The following WIPF3 variants were observed in gnomAD, a reference collection of about 807,000 sequenced individuals.
The protein encoded by WIPF3 is WAS/WASL interacting protein family member 3, also known as WAS/WASL-interacting protein family member 3.
Under a neutral mutation model 38.9 loss-of-function variants are expected in WIPF3, and 33 were observed. The ratio of observed to expected loss-of-function variants is 0.85; its 90% CI spans 0.64 to 1.14. The LOEUF is 1.14. WIPF3 is among the 50% of genes most tolerant of loss of function. The probability of loss-of-function intolerance (pLI) is 0.00; values close to 1 mark genes in which losing one functional copy is unlikely to be tolerated. For synonymous variants in WIPF3, 324 were observed against 269.3 expected (o/e 1.20, Z -1.99); for missense variants, 711 against 652.5 (o/e 1.09, Z -0.98).
At position 29,916,002 on chromosome 7, in the gene WIPF3, G is replaced by C. The variant is rs553198879; in HGVS notation, c.*1486G>C. ...CAGGAGGGTGTGGGCAAACATGACT[G>C]CATCTGCCTCACTGTTGTCTGGAGT... is the stretch of plus-strand genomic sequence containing the variant. On this transcript the variant is annotated 3_prime_UTR_variant, in exon 9 of 9. Coordinates refer to ENST00000242140, the MANE Select transcript of WIPF3 (RefSeq NM_001080529.3). The C allele has an allele frequency of 6.6e-6, 1 of 152,500 alleles. No individual in the cohort carries two copies. Among genetic ancestry groups the C allele is most frequent in the South Asian group, 2.1e-4 (1 of 4,826 alleles). The allele number at this position is 152,500 out of a possible 1,614,324, so 9.4% of individuals were successfully genotyped here.
chr7:29,897,696 G>C (rs1213183958), intron 7 of WIPF3, among the ~76,000 whole-genome samples: 1 of 152,172 alleles, frequency 6.6e-6, no homozygotes, highest in African/African-American at 2.4e-5. Flanking sequence ...AAAAATTAAA[G>C]AATTAGATGT....
intron 2 of WIPF3, among the ~76,000 whole-genome samples, chr7:29,854,844 G>C (rs1456158974): frequency 1.3e-5 from 2 of 152,164 alleles, no homozygotes; most frequent in Non-Finnish European, 2.9e-5. Context: ...TGAAGTGCTA[G>C]TGCTTCACTT....
At chr7:29,854,268 C>T (rs1417061573) in intron 2 of WIPF3, among the ~76,000 whole-genome samples, 1 of 152,212 alleles carries the variant, frequency 6.6e-6, no homozygotes, top group African/African-American at 2.4e-5. Context: ...AAAAGATGCA[C>T]TTCTCCCAGA....
At chr7:29,884,993 G>T (rs1650511369) in intron 5 of WIPF3, among the ~76,000 whole-genome samples, 1 of 152,174 alleles carries the variant, frequency 6.6e-6, no homozygotes. Context: ...TCTCCTCCCT[G>T]AGGTGGAGGG....
At position 29,823,139 on chromosome 7, in the gene WIPF3, T is replaced by C. The variant is rs1784566371; in HGVS notation, c.-57-11529T>C. Among the ~76,000 whole-genome samples the C allele has an allele frequency of 6.6e-6, 1 of 152,220 alleles. No homozygotes were observed. Among genetic ancestry groups the C allele is most frequent in the Non-Finnish European group, 1.5e-5 (1 of 68,034 alleles). On this transcript the variant is annotated intron_variant, in intron 1 of 8. Transcript: ENST00000242140. The surrounding 1 kb of genome is among the most constrained non-coding windows in gnomAD (Gnocchi z 4.0). Reference sequence around the variant, plus strand: ...TCTACCTTTTTCTTGAACAAATAGATGGGAATTACAGCCAGAACTAGAAAC... The same window carrying C: ...TCTACCTTTTTCTTGAACAAATAGACGGGAATTACAGCCAGAACTAGAAAC...
At chr7:29,850,865 G>C (rs1785083306) in intron 2 of WIPF3, among the ~76,000 whole-genome samples, 1 of 152,198 alleles carries the variant, frequency 6.6e-6, no homozygotes, top group East Asian at 1.9e-4. Context: ...CCCGAGTTTA[G>C]TCATCTCTGA....
At chr7:29,822,883 G>A (rs1784563366) in intron 1 of WIPF3, among the ~76,000 whole-genome samples, 2 of 152,288 alleles carry the variant, frequency 1.3e-5, no homozygotes, top group South Asian at 4.1e-4. Flanking sequence ...ATTTTGAAAA[G>A]TGAGTTTTTT....
At position 29,808,690 on chromosome 7, in the gene WIPF3, AGTGTGTGTGTGT is replaced by A. The variant is rs59634993; in HGVS notation, c.-58+2035_-58+2046del. Among the ~76,000 whole-genome samples, 45 of 150,502 alleles carry A rather than the reference AGTGTGTGTGTGT, an allele frequency of 3.0e-4. No homozygotes were observed. In the South Asian group the frequency reaches 5.1e-3, roughly 17 times the overall value. ...ACCCAGCAGCAGAAGGAATGGAGGA[AGTGTGTGTGTGT>A]GTGTGTGTGTGTGTGTGTGTGTCTA... On this transcript the variant is annotated intron_variant, in intron 1 of 8. Transcript: ENST00000242140.
At chr7:29,815,963 T>C (rs1052240494) in intron 1 of WIPF3, among the ~76,000 whole-genome samples, 6 of 152,214 alleles carry the variant, frequency 3.9e-5, no homozygotes, top group Non-Finnish European at 7.4e-5. Context: ...TGCTGAGTCC[T>C]ACTCTCGATG....
At chr7:29,874,144 T>C (rs936422425) in intron 2 of WIPF3, among the ~76,000 whole-genome samples, 13 of 151,942 alleles carry the variant, frequency 8.6e-5, no homozygotes, top group Admixed American at 6.6e-5. Context: ...CTCGCTATAG[T>C]GTATGCCTCT....
chr7:29,896,278 G>T (rs563685994), intron 7 of WIPF3, among the ~76,000 whole-genome samples: 8 of 15,624 alleles, frequency 5.1e-4, no homozygotes, highest in African/African-American at 9.9e-4. Flanking sequence ...CTGGGCAACA[G>T]TGAGATCCTC....
At chr7:29,863,905 T>C (rs1218110303) in intron 2 of WIPF3, among the ~76,000 whole-genome samples, 1 of 152,222 alleles carries the variant, frequency 6.6e-6, no homozygotes, top group African/African-American at 2.4e-5. Flanking sequence ...TGACCTGGTA[T>C]CTTATGACCT....
chr7:29,812,308 A>G (rs1386855612), intron 1 of WIPF3, among the ~76,000 whole-genome samples: 3 of 152,188 alleles, frequency 2.0e-5, no homozygotes, highest in Admixed American at 6.5e-5. Context: ...TCTGGCTTAC[A>G]TGGATTTGTT....
At position 29,884,330 on chromosome 7, in the gene WIPF3, C is replaced by G; in HGVS notation, c.836C>G (p.Pro279Arg). The G allele has an allele frequency of 6.5e-7, 1 of 1,531,896 alleles. No individual in the cohort carries two copies. The highest frequency in any genetic ancestry group is 8.8e-7 in the Non-Finnish European group (1 of 1,138,390). 94.9% of individuals were successfully genotyped at this position (1,531,896 alleles called of 1,614,324 possible). A position where few individuals can be genotyped will look rare whatever the true frequency, so the allele number is the denominator to read the frequency against. Residue 279 changes from proline to arginine, a missense_variant, in exon 5 of 9, where the codon CCC (proline) becomes CGC (arginine). Physicochemically the swap from Pro to Arg is moderately radical, Grantham distance 103. Coordinates refer to ENST00000242140, the MANE Select transcript of WIPF3 (RefSeq NM_001080529.3). ...PCGYPGLKAE[P>R]ASPAQDAQEP... ...GGGTATCCGGGGCTCAAAGCGGAGC[C>G]CGCCAGCCCTGCGCAAGATGCGCAG... is the stretch of plus-strand genomic sequence containing the variant.
At position 29,891,271 on chromosome 7, in the gene WIPF3, G is replaced by A. The variant is rs376105366; in HGVS notation, c.1351+1864G>A. On this transcript the variant is annotated intron_variant, in intron 7 of 8. Coordinates refer to ENST00000242140, the MANE Select transcript of WIPF3 (RefSeq NM_001080529.3). ...TGCCCTGTGCTCAGGTGGAGGGGGC[G>A]AGGGCCTGCCCTGTGCTCAGGTGTG... is the stretch of plus-strand genomic sequence containing the variant. Among the ~76,000 whole-genome samples the A allele has an allele frequency of 4.8e-4, 60 of 125,212 alleles. No homozygotes were observed. In the East Asian group the frequency reaches 0.011, roughly 24 times the overall value. 82.1% of individuals were successfully genotyped at this position (125,212 alleles called of 152,430 possible). A position where few individuals can be genotyped will look rare whatever the true frequency, so the allele number is the denominator to read the frequency against.
In WIPF3 at chr7:29,900,445, G is replaced by A. The variant is rs1167084468; in HGVS notation, c.1352-3841G>A. On this transcript the variant is annotated intron_variant, in intron 7 of 8. Coordinates refer to ENST00000242140, the MANE Select transcript of WIPF3 (RefSeq NM_001080529.3). Reference sequence around the variant, plus strand: ...CACCTGTGGACAGGAAGTGAGGTCCGCTGGTATGCAGGGTGACCTCTCTCA... The same window carrying A: ...CACCTGTGGACAGGAAGTGAGGTCCACTGGTATGCAGGGTGACCTCTCTCA... Among the ~76,000 whole-genome samples the A allele has an allele frequency of 8.5e-5, 13 of 152,256 alleles. No homozygotes were observed. The East Asian group carries it at 1.5e-3, about 18-fold the overall frequency.
At chr7:29,876,492 T>C (rs1785600983) in intron 3 of WIPF3, among the ~76,000 whole-genome samples, 1 of 152,262 alleles carries the variant, frequency 6.6e-6, no homozygotes, top group African/African-American at 2.4e-5. Context: ...TATGGCCTTT[T>C]GTGGCTGGCT....
intron 1 of WIPF3, among the ~76,000 whole-genome samples, chr7:29,806,892 ACCCTGCCACGCCGC>A (rs949646588): frequency 2.3e-4 from 34 of 150,352 alleles, no homozygotes; most frequent in Admixed American, 1.9e-3. Flanking sequence ...CCCCACCCGC[ACCCTGCCACGCCGC>A]CCCGGCCGGG....
At chr7:29,851,764 C>A (rs923269623) in intron 2 of WIPF3, among the ~76,000 whole-genome samples, 1 of 152,200 alleles carries the variant, frequency 6.6e-6, no homozygotes, top group Non-Finnish European at 1.5e-5. Context: ...GAGAGCTGAG[C>A]TTCTTTCACA....
Sources: gnomAD v4.1 joint callset for allele counts (sites outside exome capture counted in the v4.1 genomes callset) on GRCh38, gnomAD v4.1.1 for gene constraint, Gnocchi (gnomAD v3.1) non-coding constraint, MANE v1.5 for transcripts, NCBI Gene and HGNC (gene_info 2026-07-23, HGNC 2026-07-21) for gene names.